The following PADI6 variants were observed in gnomAD, a reference collection of about 807,000 sequenced individuals.
PADI6 encodes the protein inactive protein-arginine deiminase type-6.
In PADI6, 66 loss-of-function variants were observed where a neutral mutation model predicts 78.2. The ratio of observed to expected loss-of-function variants is 0.84; its 90% CI spans 0.69 to 1.04. The LOEUF (loss-of-function observed/expected upper bound fraction) is 1.04. PADI6 is among the 50% of genes least tolerant of loss of function. The pLI, the probability that PADI6 is intolerant of heterozygous loss-of-function variation, is 0.00. For synonymous variants in PADI6, 397 were observed against 346.9 expected (o/e 1.14, Z -1.60); for missense variants, 854 against 866.1 (o/e 0.99, Z 0.18).
At chr1:17,398,041 CAG>C (rs1557610263) in intron 14 of PADI6, among the ~76,000 whole-genome samples, 1 of 152,318 alleles carries the variant, frequency 6.6e-6, no homozygotes, top group East Asian at 1.9e-4. Context: ...CTATAAGAAG[CAG>C]AGTCTCCCCA....
At chr1:17,378,440 T>C (rs2075039275) in intron 3 of PADI6, among the ~76,000 whole-genome samples, 1 of 152,030 alleles carries the variant, frequency 6.6e-6, no homozygotes, top group Admixed American at 6.6e-5. Context: ...GATATTCCAG[T>C]TGGGAATCAG....
At chr1:17,376,581 G>A (rs771649414) in intron 3 of PADI6, among the ~76,000 whole-genome samples, 57 of 150,898 alleles carry the variant, frequency 3.8e-4, no homozygotes, top group Non-Finnish European at 8.0e-4. Context: ...TGTATTTTTA[G>A]TGGAGACGGG....
At chr1:17,382,512 AC>A (rs1402013852) in intron 6 of PADI6, among the ~76,000 whole-genome samples, 1 of 152,074 alleles carries the variant, frequency 6.6e-6, no homozygotes, top group Non-Finnish European at 1.5e-5. Flanking sequence ...TGAGGCCAAA[AC>A]CTCTAGAGCG....
At chr1:17,396,931 C>T in intron 13 of PADI6, 140 bp from the exon 14 acceptor site, 4 of 735,924 alleles carry the variant, frequency 5.4e-6, no homozygotes, top group Non-Finnish European at 9.4e-6. Context: ...GGTGTGATCC[C>T]TGGAGATAGG....
Position 17,379,902 on chromosome 1 carries a change from C to A in PADI6, c.368-18C>A. 6.2e-7 allele frequency: 1 copy of A among 1,612,046 alleles called. No individual in the cohort carries two copies. Among genetic ancestry groups the A allele is most frequent in the South Asian group, 1.1e-5 (1 of 90,860 alleles). ...TGGCAGGTCAAGGTGGCTGGGACAC[C>A]CTTTTCTTCTGTTTCAGAGGTCTCT... On this transcript the variant is annotated intron_variant, in intron 3 of 15. Transcript: ENST00000619609.
chr1:17,400,046 A>G (rs2075285964), intron 15 of PADI6, among the ~76,000 whole-genome samples: 2 of 150,630 alleles, frequency 1.3e-5, no homozygotes, highest in East Asian at 4.0e-4. Flanking sequence ...AAAACAAACA[A>G]AACAAAACAA....
chr1:17,387,588 TAA>T, intron 6 of PADI6, among the ~76,000 whole-genome samples: 1 of 152,010 alleles, frequency 6.6e-6, no homozygotes. Context: ...CCGTCTCTAC[TAA>T]AAATACAAAA....
Position 17,375,454 on chromosome 1 carries a change from G to A in PADI6, c.322G>A (p.Glu108Lys), listed in dbSNP as rs924839576. 12 of 1,611,484 alleles carry A rather than the reference G, an allele frequency of 7.4e-6. No individual in the cohort carries two copies. The highest frequency in any genetic ancestry group is 1.7e-5 in the Admixed American group (1 of 59,712). ...KVSVTYYGPN[E>K]DAPVGTAVLY... ...CTCGGTCACATACTATGGGCCCAAC[G>A]AGGATGCCCCCGTGGGCACAGCTGT... Residue 108 changes from glutamate (E) to lysine (K), a missense_variant, in exon 3 of 16, where the codon GAG becomes AAG. Glu to Lys is a moderately conservative substitution (Grantham distance 56, BLOSUM62 1). Transcript: ENST00000619609.
At chr1:17,394,166 G>A (rs2075221384) in intron 10 of PADI6, 84 bp downstream of exon 10, 1 of 1,547,460 alleles carries the variant, frequency 6.5e-7, no homozygotes, top group South Asian at 1.1e-5. Context: ...GCACCAAGTG[G>A]GGAGAGGGCC....
chr1:17,373,437 G>A (rs898520507), intron 2 of PADI6, among the ~76,000 whole-genome samples: 2 of 152,104 alleles, frequency 1.3e-5, no homozygotes, highest in East Asian at 3.9e-4. Context: ...ACCTAGCGAA[G>A]GTGCCCTGCC....
chr1:17,391,509 T>C (rs35213099), intron 8 of PADI6, among the ~76,000 whole-genome samples: 1,545 of 152,298 alleles, frequency 0.01, 37 homozygotes, highest in African/African-American at 0.034. Context: ...CGTGCGCCAC[T>C]GCGTCCGGCC....
At chr1:17,388,289 C>A in intron 6 of PADI6, 92 bp from the exon 7 acceptor site, 2 of 1,214,346 alleles carry the variant, frequency 1.6e-6, no homozygotes, top group South Asian at 1.6e-5. Flanking sequence ...AGCCTTGCAT[C>A]TGATATGAGG....
chr1:17,398,584 C>T (rs1471522892), intron 14 of PADI6, 102 bp from the exon 15 acceptor site: 1 of 707,380 alleles, frequency 1.4e-6, no homozygotes, highest in South Asian at 1.8e-5. Flanking sequence ...GTAGTGGTGT[C>T]AGGCCATCAC....
intron 3 of PADI6, among the ~76,000 whole-genome samples, chr1:17,376,235 A>G (rs1483624170): frequency 6.6e-6 from 1 of 151,784 alleles, no homozygotes; most frequent in Non-Finnish European, 1.5e-5. Flanking sequence ...GGCCTCCCCA[A>G]GTGCTGGGAT....
chr1:17,377,979 G>A (rs1001619577), intron 3 of PADI6, among the ~76,000 whole-genome samples: 2 of 152,078 alleles, frequency 1.3e-5, no homozygotes, highest in African/African-American at 4.8e-5. Context: ...TGTCTTTACC[G>A]CTTGTGAATC....
intron 4 of PADI6, among the ~76,000 whole-genome samples, chr1:17,380,736 G>A (rs1008489649): frequency 1.3e-5 from 2 of 152,160 alleles, no homozygotes; most frequent in African/African-American, 4.8e-5. Flanking sequence ...GAGTCTCCTA[G>A]ATGAGAGGAT....
chr1:17,391,401 G>A (rs577522732), intron 8 of PADI6, among the ~76,000 whole-genome samples: 159 of 152,184 alleles, frequency 1.0e-3, no homozygotes, highest in African/African-American at 3.7e-3. Context: ...TGTATTTCTA[G>A]TAGAGATGGG....
intron 6 of PADI6, 26 bp from the exon 7 acceptor site, chr1:17,388,355 T>C (rs2075143827): frequency 6.3e-7 from 1 of 1,584,752 alleles, no homozygotes; most frequent in African/African-American, 1.3e-5. Context: ...CTTCAGTGGC[T>C]GGTCCATCCC....
intron 2 of PADI6, among the ~76,000 whole-genome samples, chr1:17,374,221 C>G (rs1233126046): frequency 6.6e-6 from 1 of 152,074 alleles, no homozygotes; most frequent in African/African-American, 2.4e-5. Context: ...CCACACCCTA[C>G]AGGACCTACT....
Sources: gnomAD v4.1 joint callset for allele counts (sites outside exome capture counted in the v4.1 genomes callset) on GRCh38, gnomAD v4.1.1 for gene constraint, MANE v1.5 for transcripts, NCBI Gene and HGNC (gene_info 2026-07-23, HGNC 2026-07-21) for gene names.